The following DEPDC1B variants were observed in gnomAD, a reference collection of about 807,000 sequenced individuals.
DEPDC1B encodes DEP domain-containing protein 1B.
In DEPDC1B, 51 loss-of-function variants were observed where a neutral mutation model predicts 66.5. The ratio of observed to expected loss-of-function variants is 0.77; its 90% CI spans 0.61 to 0.97. The LOEUF (loss-of-function observed/expected upper bound fraction) is 0.97. Ranked by LOEUF, DEPDC1B falls within the 50% of genes least tolerant of loss-of-function variation. The pLI is 0.00. For missense variants in DEPDC1B, 552 were observed against 637.1 expected (o/e 0.87, Z 1.44); for synonymous variants, 226 against 223.6 (o/e 1.01, Z -0.10).
chr5:60,638,760 G>C lies in DEPDC1B; in HGVS notation c.888C>G (p.Val296=). ...TATATTCCAACTTACCCAGTACACT[G>C]ACAAAAGCATCAAAAAGATGAAATG... ...LLTFHLFDAF[V]SVLGLLQKEK... Residue 296 remains valine (V), a synonymous_variant, in exon 7 of 11, where the codon GTC becomes GTG. Coordinates refer to ENST00000265036, the MANE Select transcript of DEPDC1B (RefSeq NM_018369.3). The C allele has an allele frequency of 6.2e-7, 1 of 1,609,990 alleles. No individual in the cohort carries two copies. Among genetic ancestry groups the C allele is most frequent in the Non-Finnish European group, 8.5e-7 (1 of 1,178,452 alleles).
intron 2 of DEPDC1B, among the ~76,000 whole-genome samples, chr5:60,679,152 C>T (rs1191421105): frequency 6.6e-6 from 1 of 152,102 alleles, no homozygotes; most frequent in African/African-American, 2.4e-5. Context: ...GCTGAAAATA[C>T]TCATCTTTTC....
intron 7 of DEPDC1B, chr5:60,628,429 C>T (rs1490000650): frequency 6.6e-6 from 1 of 151,996 alleles, no homozygotes; most frequent in Admixed American, 6.5e-5. Flanking sequence ...CCAATGGGAC[C>T]ATTGTTTGTT....
Position 60,605,780 on chromosome 5 carries a change from TCTC to T in DEPDC1B, c.972_974del (p.Arg325del). On this transcript the variant is annotated inframe_deletion, in exon 8 of 11. Transcript: ENST00000265036. ...TCATCCTCATCAATAGCTGTAACTT[TCTC>T]CTATTTTCAGGAGGTAGGAGAAGGC... The T allele has an allele frequency of 6.2e-7, 1 of 1,613,710 alleles. No individual in the cohort carries two copies. Among genetic ancestry groups the T allele is most frequent in the South Asian group, 1.1e-5 (1 of 91,016 alleles).
In DEPDC1B at chr5:60,700,100, T is replaced by C. The variant is rs1369701698; in HGVS notation, c.-7A>G. ...CCACGATGCGATGCTCCATGGCGCG[T>C]AGGCAGCAGCGGCCGCAGCCGCGCC... On this transcript the variant is annotated 5_prime_UTR_variant, in exon 1 of 11. Transcript: ENST00000265036. 5 of 1,550,182 alleles carry C rather than the reference T, an allele frequency of 3.2e-6. No homozygotes were observed. The highest frequency in any genetic ancestry group is 1.4e-5 in the African/African-American group (1 of 72,834).
Position 60,603,416 on chromosome 5 carries a change from C to T in DEPDC1B, c.1217G>A (p.Arg406His), listed in dbSNP as rs754576713. The T allele has an allele frequency of 3.8e-5, 61 of 1,591,004 alleles. No homozygotes were observed. In the Middle Eastern group the frequency reaches 6.7e-4, roughly 17 times the overall value. ...CTGGACTCTTCGTAGATGAGCCACA[C>T]GCTCCTCTATAGAGGTCTGCAAGGC... ...PLALQTSIEE[R>H]VAHLRRVQIK... The change falls in exon 9 of 11, where the codon CGT (arginine) becomes CAT (histidine). Residue 406 changes from arginine (R) to histidine (H), a missense_variant. By Grantham distance (29) the Arg-to-His change is conservative (BLOSUM62 0). Coordinates refer to ENST00000265036, the MANE Select transcript of DEPDC1B (RefSeq NM_018369.3).
rs994966462 is a variant in DEPDC1B, at chr5:60,652,178, T to C, written c.315-4645A>G. Among the ~76,000 whole-genome samples the C allele has an allele frequency of 2.7e-5, 4 of 149,192 alleles. 1 individual carries two copies. Among genetic ancestry groups the C allele is most frequent in the African/African-American group, 5.1e-5 (2 of 39,596 alleles). ...AAAGAAGAAATATGCACATGTGCAA[T>C]TGCGCTTCATGCACCTTTCATGGGT... is the stretch of plus-strand genomic sequence containing the variant. On this transcript the variant is annotated intron_variant, in intron 2 of 10. Transcript: ENST00000265036.
intron 9 of DEPDC1B, among the ~76,000 whole-genome samples, chr5:60,600,771 G>A (rs1752185328): frequency 6.6e-6 from 1 of 152,216 alleles, no homozygotes; most frequent in Non-Finnish European, 1.5e-5. Context: ...GGCTCACAAG[G>A]CTAAGTTACT....
At chr5:60,626,625 A>G (rs958165827) in intron 7 of DEPDC1B, among the ~76,000 whole-genome samples, 63 of 152,322 alleles carry the variant, frequency 4.1e-4, no homozygotes, top group African/African-American at 1.5e-3. Context: ...TAATAAATAT[A>G]TATGTGTTTA....
chr5:60,657,049 C>T (rs1417129242), intron 2 of DEPDC1B, among the ~76,000 whole-genome samples: 5 of 152,164 alleles, frequency 3.3e-5, no homozygotes, highest in Admixed American at 6.5e-5. Flanking sequence ...TAATATTCCT[C>T]TTTGTCTTTT....
chr5:60,678,519 AG>A (rs1754222522), intron 2 of DEPDC1B, among the ~76,000 whole-genome samples: 1 of 152,236 alleles, frequency 6.6e-6, no homozygotes, highest in Non-Finnish European at 1.5e-5. Flanking sequence ...GGTGTCCAAC[AG>A]CAATGTATAA....
At position 60,667,534 on chromosome 5, in the gene DEPDC1B, T is replaced by TATATATAAAAAATGGATATTTTAC. The variant is rs1424820646; in HGVS notation, c.314+19404_314+19427dup. ...ATATACAAAAAATGGATATTTTACA[T>TATATATAAAAAATGGATATTTTAC]ATATATAAAAAATGGATATTTTACA... On this transcript the variant is annotated intron_variant, in intron 2 of 10. Transcript: ENST00000265036. Among the ~76,000 whole-genome samples, 149 of 146,076 alleles carry TATATATAAAAAATGGATATTTTAC rather than the reference T, an allele frequency of 1.0e-3. 11 individuals are homozygous for TATATATAAAAAATGGATATTTTAC. Among genetic ancestry groups the TATATATAAAAAATGGATATTTTAC allele is most frequent in the African/African-American group, 3.6e-3 (145 of 40,256 alleles).
chr5:60,616,090 T>C (rs1250244155), intron 7 of DEPDC1B, among the ~76,000 whole-genome samples: 1 of 152,054 alleles, frequency 6.6e-6, no homozygotes, highest in East Asian at 1.9e-4. Context: ...TCCTAACTGT[T>C]AGAAGGAAAA....
At chr5:60,620,516 G>A (rs62373027) in intron 7 of DEPDC1B, among the ~76,000 whole-genome samples, 52,186 of 152,076 alleles carry the variant, frequency 0.34, 10,551 homozygotes, top group East Asian at 0.57. Flanking sequence ...AGACATTTAT[G>A]CAGCCAAAAG....
At chr5:60,671,682 C>T (rs1427022570) in intron 2 of DEPDC1B, among the ~76,000 whole-genome samples, 1 of 152,220 alleles carries the variant, frequency 6.6e-6, no homozygotes, top group Non-Finnish European at 1.5e-5. Context: ...TTATCCTTTC[C>T]TGGTGCCCCA....
At chr5:60,668,233 T>TTATATATATATATAAAATGGATATTATA (rs1561385150) in intron 2 of DEPDC1B, among the ~76,000 whole-genome samples, 13 of 27,104 alleles carry the variant, frequency 4.8e-4, no homozygotes, top group African/African-American at 2.0e-3. Flanking sequence ...AATGGATATT[T>TTATATATATATATAAAATGGATATTATA]TATATATATA....
At chr5:60,679,897 G>A (rs1402833336) in intron 2 of DEPDC1B, among the ~76,000 whole-genome samples, 1 of 152,178 alleles carries the variant, frequency 6.6e-6, no homozygotes, top group Admixed American at 6.5e-5. Flanking sequence ...CACATACACA[G>A]ATGGGCAGAA....
intron 7 of DEPDC1B, among the ~76,000 whole-genome samples, chr5:60,619,209 T>C (rs1752642184): frequency 6.6e-6 from 1 of 152,162 alleles, no homozygotes; most frequent in Admixed American, 6.5e-5. Flanking sequence ...ACTGGAAGCA[T>C]TCCCTTTGAA....
At chr5:60,681,853 C>A (rs1754303865) in intron 2 of DEPDC1B, among the ~76,000 whole-genome samples, 1 of 151,784 alleles carries the variant, frequency 6.6e-6, no homozygotes, top group Non-Finnish European at 1.5e-5. Context: ...CCTACTCAAG[C>A]AATACTCTCA....
intron 6 of DEPDC1B, among the ~76,000 whole-genome samples, chr5:60,641,279 T>C (rs1233107204): frequency 1.3e-5 from 2 of 152,228 alleles, no homozygotes; most frequent in Non-Finnish European, 2.9e-5. Context: ...TCTTACTATA[T>C]ATTTTACAAC....
Sources: gnomAD v4.1 joint callset for allele counts (sites outside exome capture counted in the v4.1 genomes callset) on GRCh38, gnomAD v4.1.1 for gene constraint, MANE v1.5 for transcripts, NCBI Gene and HGNC (gene_info 2026-07-23, HGNC 2026-07-21) for gene names.